Variants in SLC26A5 observed in about 807,000 individuals in gnomAD.
SLC26A5 encodes solute carrier family 26 member 5.
Under a neutral mutation model 81.0 loss-of-function variants are expected in SLC26A5, and 51 were observed. The ratio of observed to expected loss-of-function variants is 0.63; its 90% CI spans 0.50 to 0.80. SLC26A5 has a LOEUF of 0.80. Ranked by LOEUF, SLC26A5 falls within the 30% of genes least tolerant of loss-of-function variation. SLC26A5 has a pLI of 0.00. For synonymous variants in SLC26A5, 325 were observed against 332.8 expected (o/e 0.98, Z 0.25); for missense variants, 771 against 905.8 (o/e 0.85, Z 1.91).
chr7:103,399,052 C>G (rs2116549549), intron 8 of SLC26A5, among the ~76,000 whole-genome samples: 1 of 152,048 alleles, frequency 6.6e-6, no homozygotes, highest in South Asian at 2.1e-4. Context: ...GTTTTCTTAT[C>G]AAGACAAACA....
chr7:103,355,710 C>T lies in SLC26A5; in HGVS notation c.2042-2784G>A, dbSNP rs750732605. 8 of 1,613,784 alleles carry T rather than the reference C, an allele frequency of 5.0e-6. No homozygotes were observed. In the South Asian group the frequency reaches 7.7e-5, roughly 16 times the overall value. Reference sequence around the variant, plus strand: ...TCTATGTAGGTATTAAAGAATCTGACACTGGCCTGGCCCCACCAGCACTCT... The same window carrying T: ...TCTATGTAGGTATTAAAGAATCTGATACTGGCCTGGCCCCACCAGCACTCT... On this transcript the variant is annotated intron_variant, in intron 19 of 19. Coordinates refer to the SLC26A5 transcript ENST00000339444.
At chr7:103,382,432 C>T (rs1197482735) in intron 14 of SLC26A5, among the ~76,000 whole-genome samples, 4 of 149,266 alleles carry the variant, frequency 2.7e-5, no homozygotes, top group African/African-American at 7.5e-5. Context: ...TCATTGCAAC[C>T]TCCGCCTCCC....
intron 9 of SLC26A5, among the ~76,000 whole-genome samples, chr7:103,394,699 T>C (rs1822947762): frequency 6.6e-6 from 1 of 152,190 alleles, no homozygotes; most frequent in Non-Finnish European, 1.5e-5. Context: ...AGAAGCATGG[T>C]AGTTTGCCTC....
Position 103,366,049 on chromosome 7 carries a change from G to C in SLC26A5, c.2041+10759C>G, listed in dbSNP as rs748211529. On this transcript the variant is annotated intron_variant, in intron 19 of 19. Transcript: ENST00000339444. The stretch of plus-strand genomic sequence containing the variant: ...TTTAAAATATTTTGAAACCAATTTT[G>C]AATTAATAAATCATTTTTCTCATTA... The C allele has an allele frequency of 2.6e-6, 4 of 1,563,164 alleles. No homozygotes were observed. In the Admixed American group the frequency reaches 5.6e-5, roughly 22 times the overall value.
chr7:103,385,703 T>C (rs1437026574), intron 14 of SLC26A5, among the ~76,000 whole-genome samples: 1 of 124,748 alleles, frequency 8.0e-6, no homozygotes, highest in Non-Finnish European at 1.6e-5. Flanking sequence ...TTTTCTTTTC[T>C]TTTTTTTTTT....
At chr7:103,381,016 C>A (rs933125846) in intron 14 of SLC26A5, among the ~76,000 whole-genome samples, 4 of 151,608 alleles carry the variant, frequency 2.6e-5, no homozygotes, top group African/African-American at 9.7e-5. Flanking sequence ...CATGCATACA[C>A]ACACAATGCA....
chr7:103,393,082 G>C lies in SLC26A5; in HGVS notation c.972-16C>G, dbSNP rs1563534691. On this transcript the variant is annotated splice_polypyrimidine_tract_variant and intron_variant, in intron 9 of 19. Transcript: ENST00000306312. Reference sequence around the variant, plus strand: ...AGGTAGCAGCCTGAAAAGTCAAGCTGCCTTTAACTTGTGTTGTGACCACAA... The same window carrying C: ...AGGTAGCAGCCTGAAAAGTCAAGCTCCCTTTAACTTGTGTTGTGACCACAA... 1.2e-6 allele frequency: 2 copies of C among 1,613,780 alleles called. No individual in the cohort carries two copies. Among genetic ancestry groups the C allele is most frequent in the Non-Finnish European group, 1.7e-6 (2 of 1,179,774 alleles).
At position 103,377,766 on chromosome 7, in the gene SLC26A5, G is replaced by T. The variant is rs758280742; in HGVS notation, c.1819C>A (p.Pro607Thr). The T allele has an allele frequency of 3.1e-6, 5 of 1,613,758 alleles. No homozygotes were observed. Among genetic ancestry groups the T allele is most frequent in the Non-Finnish European group, 8.5e-7 (1 of 1,180,014 alleles). ...TTTACTTCACCATCCTCTTCTTCAG[G>T]CTTGGTAGCATCCTCTCCATCTACT... ...AEVDGEDATK[P>T]EEEDGEVKYP... is the part of the protein sequence containing the mutation. The change falls in exon 18 of 20, where the codon CCT becomes ACT. Residue 607 changes from proline (P) to threonine (T), a missense_variant. Coordinates refer to ENST00000306312, the MANE Select transcript of SLC26A5 (RefSeq NM_198999.3).
intron 2 of SLC26A5, among the ~76,000 whole-genome samples, chr7:103,430,087 T>A (rs1825962224): frequency 6.6e-6 from 1 of 151,798 alleles, no homozygotes; most frequent in Non-Finnish European, 1.5e-5. Flanking sequence ...TTTTTTTTTT[T>A]TTTTTTTTGA....
chr7:103,374,641 T>C, intron 19 of SLC26A5, 49 bp from the exon 20 acceptor site: 1 of 1,544,158 alleles, frequency 6.5e-7, no homozygotes, highest in Non-Finnish European at 8.9e-7. Flanking sequence ...ATATCAGTCT[T>C]CAACAATTAA....
At chr7:103,426,046 T>A (rs1363930892) in intron 2 of SLC26A5, among the ~76,000 whole-genome samples, 1 of 152,164 alleles carries the variant, frequency 6.6e-6, no homozygotes, top group Non-Finnish European at 1.5e-5. Flanking sequence ...GTAAATAAAT[T>A]CTGTGCAATG....
chr7:103,411,682 T>C, intron 5 of SLC26A5, 96 bp from the exon 6 acceptor site: 1 of 1,385,346 alleles, frequency 7.2e-7, no homozygotes, highest in Non-Finnish European at 1.0e-6. Context: ...GGTCAAGAAA[T>C]CATGCTTGAA....
At chr7:103,429,311 T>C (rs1825904296) in intron 2 of SLC26A5, among the ~76,000 whole-genome samples, 1 of 152,246 alleles carries the variant, frequency 6.6e-6, no homozygotes, top group Non-Finnish European at 1.5e-5. Flanking sequence ...TAATAATGCA[T>C]ATATTAACCT....
rs1441444978 is a variant in SLC26A5 at position 103,376,801 on chromosome 7, T to C, written c.2041+7A>G. On this transcript the variant is annotated splice_region_variant and intron_variant, in intron 19 of 19. Transcript: ENST00000306312. ...TAAGCTTCACCCCATCTTAGAGGTA[T>C]ACTCACCACTGCATCCTGCTAAGTA... 4 of 1,590,974 alleles carry C rather than the reference T, an allele frequency of 2.5e-6. No individual in the cohort carries two copies. Among genetic ancestry groups the C allele is most frequent in the Non-Finnish European group, 3.4e-6 (4 of 1,159,970 alleles).
At chr7:103,419,152 C>A (rs916317082) in intron 4 of SLC26A5, among the ~76,000 whole-genome samples, 2 of 152,140 alleles carry the variant, frequency 1.3e-5, no homozygotes, top group Non-Finnish European at 2.9e-5. Flanking sequence ...TGAGGCCTCC[C>A]CAGCCACATG....
chr7:103,437,059 A>C (rs1169904994), intron 2 of SLC26A5, among the ~76,000 whole-genome samples: 2 of 152,228 alleles, frequency 1.3e-5, no homozygotes, highest in Non-Finnish European at 2.9e-5. Flanking sequence ...TAATATCTAA[A>C]ATATATAAGG....
chr7:103,354,982 T>TAA, intron 19 of SLC26A5: 2 of 1,344,234 alleles, frequency 1.5e-6, no homozygotes, highest in Non-Finnish European at 2.1e-6. Context: ...TTCCTTCCTT[T>TAA]AAATGTAATG....
At chr7:103,363,252 T>G (rs1820517131) in intron 19 of SLC26A5, 1 of 987,922 alleles carries the variant, frequency 1.0e-6, no homozygotes, top group African/African-American at 1.6e-5. Flanking sequence ...CTTGTGAGTT[T>G]TTCTTTTAAG....
intron 2 of SLC26A5, among the ~76,000 whole-genome samples, chr7:103,422,884 G>A (rs1400956098): frequency 1.3e-5 from 2 of 152,098 alleles, no homozygotes; most frequent in Non-Finnish European, 2.9e-5. Flanking sequence ...TGGTGACTGT[G>A]GAATTGTGAG....
Sources: gnomAD v4.1 joint callset for allele counts (sites outside exome capture counted in the v4.1 genomes callset) on GRCh38, gnomAD v4.1.1 for gene constraint, MANE v1.5 for transcripts, NCBI Gene and HGNC (gene_info 2026-07-23, HGNC 2026-07-21) for gene names.